The following NR3C1 variants were observed in gnomAD, a reference collection of about 807,000 sequenced individuals.
NR3C1 encodes the protein glucocorticoid receptor.
A neutral mutation model predicts 74.0 loss-of-function variants in NR3C1; 14 were observed. That is an observed-to-expected ratio of 0.19 (90% CI 0.12 to 0.30). The LOEUF is 0.30. NR3C1 is among the 10% of genes least tolerant of loss of function. The pLI is 1.00. For synonymous variants in NR3C1, 308 were observed against 332.5 expected, an observed-to-expected ratio of 0.93 and a Z score of 0.80; for missense variants, 695 against 909.8, an observed-to-expected ratio of 0.76 and a Z score of 3.04.
intron 1 of NR3C1, among the ~76,000 whole-genome samples, chr5:143,427,552 T>C (rs913040918): frequency 6.6e-6 from 1 of 152,194 alleles, no homozygotes; most frequent in Admixed American, 6.5e-5. Flanking sequence ...CCCATCCTAG[T>C]GGGAAGGCCG....
chr5:143,356,704 C>T (rs909888855), intron 2 of NR3C1, among the ~76,000 whole-genome samples: 82 of 150,394 alleles, frequency 5.5e-4, no homozygotes, highest in African/African-American at 1.9e-3. Context: ...AAAAAACACA[C>T]GCAAATGTTG....
At chr5:143,321,741 T>C (rs1277298636) in intron 2 of NR3C1, among the ~76,000 whole-genome samples, 2 of 152,222 alleles carry the variant, frequency 1.3e-5, no homozygotes, top group African/African-American at 2.4e-5. Flanking sequence ...GTACCTATGA[T>C]AGGAGTAGCT....
chr5:143,360,579 G>A (rs1170129709), intron 2 of NR3C1, among the ~76,000 whole-genome samples: 1 of 152,162 alleles, frequency 6.6e-6, no homozygotes, highest in Non-Finnish European at 1.5e-5. Context: ...ATTAACTTAA[G>A]CCTAATCTAA....
At chr5:143,424,351 A>G (rs1006213014) in intron 1 of NR3C1, among the ~76,000 whole-genome samples, 5 of 152,146 alleles carry the variant, frequency 3.3e-5, no homozygotes. Flanking sequence ...ATATTTCAAA[A>G]TAACTAAGAG....
intron 2 of NR3C1, among the ~76,000 whole-genome samples, chr5:143,320,171 A>G (rs540161399): frequency 6.6e-6 from 1 of 152,326 alleles, no homozygotes; most frequent in East Asian, 1.9e-4. Flanking sequence ...GATTTGTTTG[A>G]TAATAAGCTA....
chr5:143,311,727 C>G (rs1820980278), intron 3 of NR3C1, among the ~76,000 whole-genome samples: 1 of 151,398 alleles, frequency 6.6e-6, no homozygotes, highest in Non-Finnish European at 1.5e-5. Context: ...CTCTTTGCAG[C>G]CTGAATCTCC....
At chr5:143,383,909 G>T (rs577163680) in intron 2 of NR3C1, among the ~76,000 whole-genome samples, 2 of 152,174 alleles carry the variant, frequency 1.3e-5, no homozygotes, top group Non-Finnish European at 2.9e-5. Flanking sequence ...CCTGACTCAG[G>T]AACCCAACTT....
intron 7 of NR3C1, among the ~76,000 whole-genome samples, chr5:143,292,218 C>T (rs1316461647): frequency 6.6e-6 from 1 of 152,012 alleles, no homozygotes; most frequent in Non-Finnish European, 1.5e-5. Context: ...TTCCTAAGAG[C>T]TCCTTAAACA....
Position 143,340,990 on chromosome 5 carries a change from C to A in NR3C1, c.1185-26822G>T, listed in dbSNP as rs565892017. On this transcript the variant is annotated intron_variant, in intron 2 of 8. Coordinates refer to ENST00000394464, the MANE Select transcript of NR3C1 (RefSeq NM_000176.3). ...CCTCTCCCTCCTCCCACCCTCAGTA[C>A]CAGGAATTAAATATGAATAATGAAG... Among the ~76,000 whole-genome samples, 12 of 152,026 alleles carry A rather than the reference C, an allele frequency of 7.9e-5. No homozygotes were observed. In the South Asian group the frequency reaches 2.5e-3, roughly 32 times the overall value.
At chr5:143,308,423 C>A (rs1820130593) in intron 4 of NR3C1, among the ~76,000 whole-genome samples, 1 of 152,148 alleles carries the variant, frequency 6.6e-6, no homozygotes, top group Non-Finnish European at 1.5e-5. Flanking sequence ...ATGTTCATGT[C>A]ACTGCACTCC....
intron 2 of NR3C1, among the ~76,000 whole-genome samples, chr5:143,388,404 T>G (rs1035944285): frequency 6.6e-6 from 1 of 152,202 alleles, no homozygotes; most frequent in African/African-American, 2.4e-5. Flanking sequence ...TCTTTTTGGT[T>G]TATATGTTAA....
intron 3 of NR3C1, among the ~76,000 whole-genome samples, chr5:143,312,053 T>C (rs942482999): frequency 6.6e-6 from 1 of 152,162 alleles, no homozygotes; most frequent in African/African-American, 2.4e-5. Flanking sequence ...TTCTAACTAA[T>C]AGAAAGATGA....
intron 2 of NR3C1, among the ~76,000 whole-genome samples, chr5:143,349,806 T>C (rs911212829): frequency 1.3e-5 from 2 of 152,126 alleles, no homozygotes; most frequent in Admixed American, 6.6e-5. Context: ...GCAGGAGCTG[T>C]AGAGACGAGT....
rs1307726454 is a variant in NR3C1 at position 143,311,820 on chromosome 5, G to A, written c.1352-1607C>T. Among the ~76,000 whole-genome samples, 10 of 146,834 alleles carry A rather than the reference G, an allele frequency of 6.8e-5. No individual in the cohort carries two copies. The East Asian group carries it at 7.9e-4, about 12-fold the overall frequency. On this transcript the variant is annotated intron_variant, in intron 3 of 8. Coordinates refer to ENST00000394464, the MANE Select transcript of NR3C1 (RefSeq NM_000176.3). ...TTTTTTTTTTTTTTCCTGTAGAGAC[G>A]GGGTCTCGTTATGTTGCTCAGGCTG...
chr5:143,430,090 AAAAAG>A (rs538558270), intron 1 of NR3C1, among the ~76,000 whole-genome samples: 52 of 151,972 alleles, frequency 3.4e-4, no homozygotes, highest in Non-Finnish European at 5.4e-4. Context: ...TCCAAAAAAA[AAAAAG>A]AAAAGAAAAG....
chr5:143,398,095 G>A (rs912861376), intron 2 of NR3C1, among the ~76,000 whole-genome samples: 4 of 151,714 alleles, frequency 2.6e-5, no homozygotes, highest in African/African-American at 7.3e-5. Context: ...CAAATCAACC[G>A]TACTTAACTC....
intron 1 of NR3C1, among the ~76,000 whole-genome samples, chr5:143,433,112 TGGGAGGCTTTTGGGCAG>T (rs552061523): frequency 6.7e-4 from 102 of 152,064 alleles, no homozygotes; most frequent in Non-Finnish European, 1.3e-3. Flanking sequence ...AGGCCATTGG[TGGGAGGCTTTTGGGCAG>T]GGGAGCTTCC....
chr5:143,404,279 G>T (rs954438150), upstream of NR3C1: 94 of 985,438 alleles, frequency 9.5e-5, no homozygotes, highest in Non-Finnish European at 1.1e-4. Context: ...AAACGGTGCC[G>T]CAGCGTCTCG....
At chr5:143,333,468 T>C (rs1826433900) in intron 2 of NR3C1, among the ~76,000 whole-genome samples, 1 of 151,380 alleles carries the variant, frequency 6.6e-6, no homozygotes, top group South Asian at 2.1e-4. Context: ...AGATGTCGAG[T>C]AACTAAAAAC....
Sources: allele counts gnomAD v4.1 joint callset (sites outside exome capture counted in the v4.1 genomes callset), GRCh38; gene constraint gnomAD v4.1.1; transcripts MANE v1.5; gene names NCBI Gene and HGNC (gene_info 2026-07-23, HGNC 2026-07-21).